DISC1: variants seen among roughly 807,000 people sequenced by gnomAD.
DISC1 encodes the protein DISC1 scaffold protein.
Under a neutral mutation model 84.5 loss-of-function variants are expected in DISC1, and 57 were observed. The observed-to-expected ratio is 0.67, with a 90% CI of 0.55 to 0.84. The LOEUF (loss-of-function observed/expected upper bound fraction) is 0.84, where lower values mean the gene tolerates loss of function less well. Ranked by LOEUF, DISC1 falls within the 40% of genes least tolerant of loss-of-function variation. The pLI is 0.00. For synonymous variants in DISC1, 411 were observed against 415.2 expected (o/e 0.99, Z 0.12); for missense variants, 1,000 against 1,057.8 (o/e 0.95, Z 0.76).
intron 6 of DISC1, among the ~76,000 whole-genome samples, chr1:231,782,725 G>T (rs1205221210): frequency 2.0e-5 from 3 of 151,992 alleles, no homozygotes; most frequent in Non-Finnish European, 2.9e-5. Context: ...ATCACTTGAG[G>T]TCAGGCGTTT....
Position 232,008,782 on chromosome 1 carries a change from C to T in DISC1, c.2043-3C>T. ...TTATGCCTTTGTTTCCTCTCTGTCT[C>T]AGCTGCAAGTGTCCACTGCTTGGGA... is the stretch of plus-strand genomic sequence containing the variant. On this transcript the variant is annotated splice_polypyrimidine_tract_variant and splice_region_variant and intron_variant, in intron 10 of 12. Transcript: ENST00000439617. 1 of 1,548,606 alleles carries T rather than the reference C, an allele frequency of 6.5e-7. No homozygotes were observed. The highest frequency in any genetic ancestry group is 1.3e-5 in the South Asian group (1 of 79,244).
At chr1:232,036,136 A>G (rs1416528759) in intron 12 of DISC1, among the ~76,000 whole-genome samples, 1 of 152,202 alleles carries the variant, frequency 6.6e-6, no homozygotes, top group Non-Finnish European at 1.5e-5. Flanking sequence ...TTTCAAAGTC[A>G]TCATTTCAAG....
chr1:231,830,845 G>A (rs1159072699), intron 9 of DISC1, among the ~76,000 whole-genome samples: 2 of 152,230 alleles, frequency 1.3e-5, no homozygotes, highest in Non-Finnish European at 2.9e-5. Flanking sequence ...GCTTGGTGAG[G>A]TGTGTTTTTA....
At chr1:231,727,802 G>A (rs960521359) in intron 3 of DISC1, among the ~76,000 whole-genome samples, 1 of 151,908 alleles carries the variant, frequency 6.6e-6, no homozygotes, top group African/African-American at 2.4e-5. Context: ...GTTAAATAGG[G>A]CCTGGTGTGG....
At chr1:231,995,916 A>G (rs552866787) in intron 10 of DISC1, among the ~76,000 whole-genome samples, 5 of 151,966 alleles carry the variant, frequency 3.3e-5, no homozygotes, top group African/African-American at 1.2e-4. Context: ...GAATCGCCAC[A>G]CTGACTTCCA....
intron 1 of DISC1, among the ~76,000 whole-genome samples, chr1:231,635,347 C>T (rs539570715): frequency 3.9e-5 from 6 of 152,002 alleles, no homozygotes; most frequent in Admixed American, 2.6e-4. Context: ...TTCTGCCCAC[C>T]GAGAATATTA....
intron 3 of DISC1, among the ~76,000 whole-genome samples, chr1:231,733,166 G>T (rs2071823958): frequency 4.4e-5 from 1 of 22,974 alleles, no homozygotes; most frequent in Non-Finnish European, 9.7e-5. Context: ...GTGATGGTAG[G>T]AGTGGTGGTG....
intron 11 of DISC1, among the ~76,000 whole-genome samples, chr1:232,020,299 G>T (rs1446761498): frequency 6.6e-6 from 1 of 152,054 alleles, no homozygotes; most frequent in African/African-American, 2.4e-5. Flanking sequence ...CCGAGATCAC[G>T]CCATTGCACT....
chr1:231,823,877 A>G (rs192353528), intron 9 of DISC1, among the ~76,000 whole-genome samples: 2 of 152,306 alleles, frequency 1.3e-5, no homozygotes, highest in Admixed American at 1.3e-4. Context: ...ATATGTAGGT[A>G]TGGACAGTTT....
intron 9 of DISC1, among the ~76,000 whole-genome samples, chr1:231,839,032 A>G (rs1362429964): frequency 6.6e-6 from 1 of 152,212 alleles, no homozygotes; most frequent in Non-Finnish European, 1.5e-5. Flanking sequence ...GAAGCAATAA[A>G]CAATAGGTAT....
In DISC1 at chr1:231,844,692, C is replaced by T. The variant is rs116196132; in HGVS notation, c.1981+26175C>T. Among the ~76,000 whole-genome samples, 513 of 151,784 alleles carry T rather than the reference C, an allele frequency of 3.4e-3. 4 individuals are homozygous for T. Among genetic ancestry groups the T allele is most frequent in the African/African-American group, 0.012 (476 of 41,382 alleles). On this transcript the variant is annotated intron_variant, in intron 9 of 12. Coordinates refer to ENST00000439617, the MANE Select transcript of DISC1 (RefSeq NM_018662.3). Reference sequence around the variant, plus strand: ...ATCAATACCCAGCATTTTGGGAGGCCGACGGGGGTGGATCACGAGGTCAGG... The same window carrying T: ...ATCAATACCCAGCATTTTGGGAGGCTGACGGGGGTGGATCACGAGGTCAGG...
At chr1:231,839,930 C>T (rs1379596484) in intron 9 of DISC1, among the ~76,000 whole-genome samples, 1 of 152,112 alleles carries the variant, frequency 6.6e-6, no homozygotes, top group African/African-American at 2.4e-5. Context: ...GCATAAGGGA[C>T]TCGCCCCCAT....
chr1:231,838,686 T>C (rs2082804111), intron 9 of DISC1, among the ~76,000 whole-genome samples: 1 of 152,248 alleles, frequency 6.6e-6, no homozygotes, highest in Non-Finnish European at 1.5e-5. Context: ...TGAGAGTCTA[T>C]ATCAAGAGTT....
chr1:231,690,055 G>A (rs1479455278), intron 1 of DISC1, among the ~76,000 whole-genome samples: 1 of 152,168 alleles, frequency 6.6e-6, no homozygotes, highest in Non-Finnish European at 1.5e-5. Flanking sequence ...TTGGCTTGCC[G>A]CAATTTTCCT....
chr1:231,955,454 G>C (rs1659285321), intron 9 of DISC1, among the ~76,000 whole-genome samples: 1 of 150,504 alleles, frequency 6.6e-6, no homozygotes, highest in Non-Finnish European at 1.5e-5. Flanking sequence ...TTTTTCTGGT[G>C]GCTTAGGGTA....
At chr1:231,909,483 G>C (rs1364743862) in intron 9 of DISC1, among the ~76,000 whole-genome samples, 1 of 152,082 alleles carries the variant, frequency 6.6e-6, no homozygotes, top group Non-Finnish European at 1.5e-5. Context: ...TTATTGATTT[G>C]CACATGTTGA....
intron 9 of DISC1, among the ~76,000 whole-genome samples, chr1:231,903,352 G>A (rs748466976): frequency 5.3e-5 from 8 of 152,096 alleles, no homozygotes; most frequent in Non-Finnish European, 1.0e-4. Flanking sequence ...ACCCTCACAC[G>A]TACTAGGAGT....
At chr1:231,722,165 A>G (rs2069861063) in intron 3 of DISC1, among the ~76,000 whole-genome samples, 1 of 151,900 alleles carries the variant, frequency 6.6e-6, no homozygotes, top group South Asian at 2.1e-4. Context: ...AAAAAAAAAA[A>G]AAAAAGCACT....
intron 9 of DISC1, among the ~76,000 whole-genome samples, chr1:231,890,351 T>C (rs1481068259): frequency 1.3e-5 from 2 of 152,194 alleles, no homozygotes; most frequent in East Asian, 1.9e-4. Flanking sequence ...ACGTAAAATA[T>C]GGAATTGTCT....
Sources: gnomAD v4.1 joint callset for allele counts (sites outside exome capture counted in the v4.1 genomes callset) on GRCh38, gnomAD v4.1.1 for gene constraint, MANE v1.5 for transcripts, NCBI Gene and HGNC (gene_info 2026-07-23, HGNC 2026-07-21) for gene names.